FSIP2: variants seen among roughly 807,000 people sequenced by gnomAD.
The protein encoded by FSIP2 is fibrous sheath-interacting protein 2.
Under a neutral mutation model 510.5 loss-of-function variants are expected in FSIP2, and 367 were observed. The observed-to-expected ratio is 0.72, with a 90% CI of 0.66 to 0.78. FSIP2 has a LOEUF of 0.78. Among genes scored for constraint, FSIP2 ranks in the 30% least tolerant of loss-of-function variants. The pLI, the probability that FSIP2 is intolerant of heterozygous loss-of-function variation, is 0.00. For missense variants in FSIP2, 7,594 were observed against 7,901.7 expected (o/e 0.96, Z 1.48); for synonymous variants, 2,601 against 2,732.2 (o/e 0.95, Z 1.50).
In FSIP2 at chr2:185,793,361, G is replaced by A; in HGVS notation, c.6225G>A (p.Lys2075=). Residue 2075 remains lysine, a synonymous_variant, in exon 16 of 23, where the codon AAG becomes AAA. Coordinates refer to ENST00000424728, the MANE Select transcript of FSIP2 (RefSeq NM_173651.4). ...ATCAGCAAAAAGGTGTTATTGAAAA[G>A]CTGCTCAATGAGACCAAATATCGAA... ...DLDQQKGVIE[K]LLNETKYRKV... 1 of 1,533,954 alleles carries A rather than the reference G, an allele frequency of 6.5e-7. No individual in the cohort carries two copies. The highest frequency in any genetic ancestry group is 8.7e-7 in the Non-Finnish European group (1 of 1,145,564).
chr2:185,778,226 T>C lies in FSIP2; in HGVS notation c.1412-4479T>C, dbSNP rs911015853. On this transcript the variant is annotated intron_variant, in intron 13 of 22. Coordinates refer to ENST00000424728, the MANE Select transcript of FSIP2 (RefSeq NM_173651.4). ...TCAGGTAACTAGGTTTAATCCATAC[T>C]CCAGTACTTAAAATGCATGTTAGTT... Among the ~76,000 whole-genome samples, 6 of 152,000 alleles carry C rather than the reference T, an allele frequency of 3.9e-5. No individual in the cohort carries two copies. The East Asian group carries it at 1.2e-3, about 29-fold the overall frequency.
At position 185,788,963 on chromosome 2, in the gene FSIP2, A is replaced by C; in HGVS notation, c.1827A>C (p.Thr609=). ...CTCCTCCTGCACATGTGGAAAAAAC[A>C]GTTGTGGGGAAAACATGTCACATAA... The part of the protein sequence containing the change: ...IKPPPAHVEK[T]VVGKTCHIKG... The change falls in exon 16 of 23, where the codon ACA becomes ACC. Residue 609 remains threonine, a synonymous_variant. Transcript: ENST00000424728. 6.5e-7 allele frequency: 1 copy of C among 1,534,844 alleles called. No homozygotes were observed. The highest frequency in any genetic ancestry group is 8.7e-7 in the Non-Finnish European group (1 of 1,145,920).
Position 185,805,554 on chromosome 2 carries a change from C to T in FSIP2, c.16248C>T (p.Thr5416=). Reference sequence around the variant, plus strand: ...CATTTCTAAATCCAGATAATATCACCCAAAGGGTTCAACACCTACCACAAA... The same window carrying T: ...CATTTCTAAATCCAGATAATATCACTCAAAGGGTTCAACACCTACCACAAA... The part of the protein sequence containing the change: ...FFSFLNPDNI[T]QRVQHLPQNT... The change falls in exon 17 of 23, where the codon ACC becomes ACT. Residue 5416 remains threonine, a synonymous_variant. Coordinates refer to ENST00000424728, the MANE Select transcript of FSIP2 (RefSeq NM_173651.4). The T allele has an allele frequency of 6.2e-7, 1 of 1,611,164 alleles. No individual in the cohort carries two copies. The highest frequency in any genetic ancestry group is 2.2e-5 in the East Asian group (1 of 44,768).
intron 13 of FSIP2, among the ~76,000 whole-genome samples, chr2:185,775,516 C>T (rs913516320): frequency 5.9e-5 from 9 of 151,836 alleles, no homozygotes; most frequent in East Asian, 1.9e-4. Context: ...AATTTTCTCC[C>T]ATTTTGTAGG....
upstream of FSIP2, chr2:185,738,692 C>A (rs1257086071): frequency 1.2e-5 from 19 of 1,535,932 alleles, no homozygotes; most frequent in Middle Eastern, 1.7e-4. Flanking sequence ...GCTCTGCGGG[C>A]GCTCTACGCG....
intron 17 of FSIP2, among the ~76,000 whole-genome samples, chr2:185,810,172 T>A (rs1693695581): frequency 6.6e-6 from 1 of 152,058 alleles, no homozygotes; most frequent in African/African-American, 2.4e-5. Context: ...TAATTAATGC[T>A]TTAAGCTTTC....
At position 185,788,986 on chromosome 2, in the gene FSIP2, TAAAA is replaced by T. The variant is rs1223376008; in HGVS notation, c.1851_1854del (p.Ile617MetfsTer5). On this transcript the variant is annotated frameshift_variant, in exon 16 of 23. Transcript: ENST00000424728. LOFTEE classifies it high-confidence loss of function. The stretch of plus-strand genomic sequence containing the variant: ...ACAGTTGTGGGGAAAACATGTCACA[TAAAA>T]GGACAATCTATAATCTCTAAACATA... The T allele has an allele frequency of 2.0e-5, 30 of 1,534,300 alleles. No homozygotes were observed. Among genetic ancestry groups the T allele is most frequent in the Non-Finnish European group, 2.4e-5 (27 of 1,145,682 alleles).
rs1693448414 is a variant in FSIP2 at position 185,801,970 on chromosome 2, T to C, written c.12664T>C (p.Leu4222=). Residue 4222 remains leucine, a synonymous_variant, in exon 17 of 23, where the codon TTG becomes CTG. Coordinates refer to ENST00000424728, the MANE Select transcript of FSIP2 (RefSeq NM_173651.4). ...KMVDSVYCNI[L]QMSDSLVSIQ... ...GGTGGATTCTGTATATTGTAATATT[T>C]TGCAAATGTCTGACTCTCTTGTTTC... 5 of 1,523,824 alleles carry C rather than the reference T, an allele frequency of 3.3e-6. No homozygotes were observed. Among genetic ancestry groups the C allele is most frequent in the African/African-American group, 2.8e-5 (2 of 72,130 alleles). 94.4% of individuals were successfully genotyped at this position (1,523,824 alleles called of 1,614,324 possible). A position where few individuals can be genotyped will look rare whatever the true frequency, so the allele number is the denominator to read the frequency against.
rs771270425 is a variant in FSIP2 at position 185,790,665 on chromosome 2, A to G, written c.3529A>G (p.Ile1177Val). ...AQEITDSVLN[I>V]LHKASNYISN... ...AGAAATAACAGATTCTGTGTTAAAC[A>G]TACTTCATAAGGCATCAAACTACAT... Residue 1177 changes from isoleucine (I) to valine (V), a missense_variant, in exon 16 of 23, where the codon ATA becomes GTA. Coordinates refer to ENST00000424728, the MANE Select transcript of FSIP2 (RefSeq NM_173651.4). 3 of 1,533,908 alleles carry G rather than the reference A, an allele frequency of 2.0e-6. No individual in the cohort carries two copies. Among genetic ancestry groups the G allele is most frequent in the African/African-American group, 1.4e-5 (1 of 72,884 alleles).
chr2:185,819,637 T>TA (rs1423398691), intron 19 of FSIP2, among the ~76,000 whole-genome samples: 10 of 151,854 alleles, frequency 6.6e-5, no homozygotes, highest in African/African-American at 2.4e-4. Flanking sequence ...AAATTTGACT[T>TA]ACAATTTTTT....
Position 185,803,808 on chromosome 2 carries a change from G to A in FSIP2, c.14502G>A (p.Met4834Ile). ...TGATAAAACTGATAAATGAAATTATGTCAATAATTTCAAAACATGAAATAT... is the reference window on the plus strand; with the variant it reads ...TGATAAAACTGATAAATGAAATTATATCAATAATTTCAAAACATGAAATAT... Reference protein sequence around the residue: ...NTVIKLINEIMSIISKHEICI... With the variant: ...NTVIKLINEIISIISKHEICI... Residue 4834 changes from methionine (M) to isoleucine (I), a missense_variant, in exon 17 of 23, where the codon ATG (methionine) becomes ATA (isoleucine). Transcript: ENST00000424728. 3 of 1,502,182 alleles carry A rather than the reference G, an allele frequency of 2.0e-6. No individual in the cohort carries two copies. The highest frequency in any genetic ancestry group is 1.4e-5 in the African/African-American group (1 of 71,654). 93.1% of individuals were successfully genotyped at this position (1,502,182 alleles called of 1,614,324 possible). A position where few individuals can be genotyped will look rare whatever the true frequency, so the allele number is the denominator to read the frequency against.
In FSIP2 at chr2:185,796,802, G is replaced by A. The variant is rs773120966; in HGVS notation, c.9666G>A (p.Glu3222=). The change falls in exon 16 of 23, where the codon GAG becomes GAA. Residue 3222 remains glutamate, a synonymous_variant. Transcript: ENST00000424728. ...TAGAAGACACAGTTAAAAACTCAGA[G>A]CCAACGAAAAGGCCTGATTCAGAAA... ...SSVEDTVKNS[E]PTKRPDSETM... 2.3e-5 allele frequency: 35 copies of A among 1,535,028 alleles called. No homozygotes were observed. In the African/African-American group the frequency reaches 4.4e-4, roughly 19 times the overall value.
Position 185,796,849 on chromosome 2 carries a change from G to A in FSIP2, c.9713G>A (p.Arg3238Lys), listed in dbSNP as rs1693295648. Residue 3238 changes from arginine to lysine, a missense_variant, in exon 16 of 23, where the codon AGA (arginine) becomes AAA (lysine). Physicochemically the swap from Arg to Lys is conservative, Grantham distance 26. Transcript: ENST00000424728. ...DSETMPSCST[R>K]NKVQDHRPRE... ...GAAACTATGCCATCGTGTTCTACTAGAAACAAAGTACAAGACCACAGACCA... is the reference window on the plus strand; with the variant it reads ...GAAACTATGCCATCGTGTTCTACTAAAAACAAAGTACAAGACCACAGACCA... 1 of 1,535,140 alleles carries A rather than the reference G, an allele frequency of 6.5e-7. No individual in the cohort carries two copies. The highest frequency in any genetic ancestry group is 1.2e-5 in the South Asian group (1 of 84,024).
At chr2:185,819,499 A>T (rs1193163946) in intron 19 of FSIP2, among the ~76,000 whole-genome samples, 1 of 151,944 alleles carries the variant, frequency 6.6e-6, no homozygotes, top group Non-Finnish European at 1.5e-5. Flanking sequence ...AAGAATGGAA[A>T]AATATACCCC....
intron 17 of FSIP2, among the ~76,000 whole-genome samples, chr2:185,812,053 C>A (rs1477154657): frequency 6.6e-6 from 1 of 152,086 alleles, no homozygotes; most frequent in Non-Finnish European, 1.5e-5. Context: ...TGGGGCACTG[C>A]TTAGTGCAGT....
rs1693124333 is a variant in FSIP2, at chr2:185,791,484, A to C, written c.4348A>C (p.Thr1450Pro). The change falls in exon 16 of 23, where the codon ACC becomes CCC. Residue 1450 changes from threonine to proline, a missense_variant. By Grantham distance (38) the Thr-to-Pro change is conservative (BLOSUM62 -1). Coordinates refer to ENST00000424728, the MANE Select transcript of FSIP2 (RefSeq NM_173651.4). ...TGAAATGTTAAGCAAGCTCCTGGGG[A>C]CCCATCTTCATTCTCAGCTATCTTG... Reference protein sequence around the residue: ...LHEMLSKLLGTHLHSQLSCSQ... With the variant: ...LHEMLSKLLGPHLHSQLSCSQ... 1 of 1,534,310 alleles carries C rather than the reference A, an allele frequency of 6.5e-7. No homozygotes were observed.
intron 17 of FSIP2, among the ~76,000 whole-genome samples, chr2:185,811,243 G>A (rs1326997918): frequency 6.6e-6 from 1 of 151,968 alleles, no homozygotes; most frequent in Non-Finnish European, 1.5e-5. Context: ...AAGATGGGTG[G>A]GTCACTTGAG....
rs1392984315 is a variant in FSIP2, at chr2:185,800,769, CCT to C, written c.11464_11465del (p.Leu3822PhefsTer8). On this transcript the variant is annotated frameshift_variant, in exon 17 of 23. Coordinates refer to ENST00000424728, the MANE Select transcript of FSIP2 (RefSeq NM_173651.4). LOFTEE classifies it high-confidence loss of function. ...ECLQVDYMSD[L>X]LENVAEIDQD... Reference sequence around the variant, plus strand: ...GCCTTCAAGTAGATTACATGTCAGACCTTTTGGAGAATGTGGCAGAAATTGAT... The same window carrying C: ...GCCTTCAAGTAGATTACATGTCAGACTTTGGAGAATGTGGCAGAAATTGAT... 3.3e-6 allele frequency: 5 copies of C among 1,533,824 alleles called. No individual in the cohort carries two copies. In the Admixed American group the frequency reaches 9.8e-5, roughly 30 times the overall value.
At position 185,789,040 on chromosome 2, in the gene FSIP2, A is replaced by G. The variant is rs1693055239; in HGVS notation, c.1904A>G (p.Tyr635Cys). The change falls in exon 16 of 23, where the codon TAT becomes TGT. Residue 635 changes from tyrosine (Y) to cysteine (C), a missense_variant. Physicochemically the swap from Tyr to Cys is radical, Grantham distance 194. Coordinates refer to ENST00000424728, the MANE Select transcript of FSIP2 (RefSeq NM_173651.4). ...AAATATAATAAAACCAACTTGCTAT[A>G]TTCATACCCTAAGCTCAGAAGTTGT... ...KHKYNKTNLLYSYPKLRSCKS... is the reference protein window; with the variant it reads ...KHKYNKTNLLCSYPKLRSCKS... The G allele has an allele frequency of 2.0e-6, 3 of 1,534,290 alleles. No individual in the cohort carries two copies. Among genetic ancestry groups the G allele is most frequent in the Non-Finnish European group, 2.6e-6 (3 of 1,145,540 alleles).
Sources: gnomAD v4.1 joint callset for allele counts (sites outside exome capture counted in the v4.1 genomes callset) on GRCh38, gnomAD v4.1.1 for gene constraint, MANE v1.5 for transcripts, NCBI Gene and HGNC (gene_info 2026-07-23, HGNC 2026-07-21) for gene names.